Variants in GIPC2 observed in about 807,000 individuals in gnomAD.
GIPC2 encodes GIPC PDZ domain containing family member 2, also known as PDZ domain-containing protein GIPC2.
GIPC2 carries 30 observed loss-of-function variants against 30.6 expected under a neutral mutation model. That is an observed-to-expected ratio of 0.98 (90% confidence interval 0.73 to 1.33). The LOEUF is 1.33. Ranked by LOEUF, GIPC2 falls within the 40% of genes most tolerant of loss-of-function variation. The probability of loss-of-function intolerance (pLI) is 0.00; values close to 1 mark genes in which losing one functional copy is unlikely to be tolerated. For synonymous variants in GIPC2, 167 were observed against 150.0 expected, an observed-to-expected ratio of 1.11 and a Z score of -0.83; for missense variants, 414 against 390.3, an observed-to-expected ratio of 1.06 and a Z score of -0.51.
intron 5 of GIPC2, among the ~76,000 whole-genome samples, chr1:78,134,751 GGA>G (rs1483624462): frequency 6.6e-6 from 1 of 152,188 alleles, no homozygotes; most frequent in Admixed American, 6.5e-5. Flanking sequence ...TGGAAGGAAA[GGA>G]GATGCTGGAG....
At chr1:78,113,187 C>A (rs996745349) in intron 3 of GIPC2, among the ~76,000 whole-genome samples, 2 of 152,008 alleles carry the variant, frequency 1.3e-5, no homozygotes, top group African/African-American at 4.8e-5. Context: ...GTAATCACAA[C>A]CTTAATGCAT....
chr1:78,082,800 A>G (rs1346058498), intron 2 of GIPC2, among the ~76,000 whole-genome samples: 3 of 152,170 alleles, frequency 2.0e-5, no homozygotes, highest in Non-Finnish European at 4.4e-5. Flanking sequence ...GGTTGATGAA[A>G]TTTTTTAAAA....
chr1:78,070,078 G>A (rs1035231527), intron 1 of GIPC2, among the ~76,000 whole-genome samples: 3 of 152,074 alleles, frequency 2.0e-5, no homozygotes, highest in Non-Finnish European at 4.4e-5. Flanking sequence ...AGCCTCGTGG[G>A]CCAAAAGGAA....
intron 2 of GIPC2, chr1:78,091,734 A>C: frequency 1.3e-6 from 1 of 775,456 alleles, no homozygotes; most frequent in South Asian, 1.3e-5. Context: ...GCATACAAGA[A>C]TGTTAAATTT....
At chr1:78,074,991 T>C (rs1462237026) in intron 1 of GIPC2, among the ~76,000 whole-genome samples, 1 of 152,194 alleles carries the variant, frequency 6.6e-6, no homozygotes, top group African/African-American at 2.4e-5. Context: ...TAGGAACCTT[T>C]TAGTTGAAAG....
chr1:78,105,234 G>A (rs1217728055), intron 3 of GIPC2, among the ~76,000 whole-genome samples: 2 of 151,382 alleles, frequency 1.3e-5, no homozygotes, highest in Non-Finnish European at 2.9e-5. Flanking sequence ...AACTTTGTAA[G>A]CTATATTTTT....
intron 5 of GIPC2, among the ~76,000 whole-genome samples, chr1:78,126,573 T>C (rs755527629): frequency 1.1e-4 from 16 of 151,972 alleles, no homozygotes; most frequent in Non-Finnish European, 2.4e-4. Flanking sequence ...GAGAAACTTA[T>C]TGGTTCTTAT....
At chr1:78,111,699 C>T (rs1428488897) in intron 3 of GIPC2, among the ~76,000 whole-genome samples, 4 of 152,174 alleles carry the variant, frequency 2.6e-5, no homozygotes, top group Non-Finnish European at 5.9e-5. Context: ...CTAGCAGCAG[C>T]GTTCTATTAA....
At chr1:78,099,240 C>T (rs1662195484) in intron 3 of GIPC2, among the ~76,000 whole-genome samples, 2 of 151,994 alleles carry the variant, frequency 1.3e-5, no homozygotes, top group African/African-American at 2.4e-5. Context: ...TATACCATCA[C>T]CATACCACCT....
intron 1 of GIPC2, among the ~76,000 whole-genome samples, chr1:78,055,404 C>CT (rs1183780472): frequency 6.6e-6 from 1 of 152,156 alleles, no homozygotes; most frequent in Non-Finnish European, 1.5e-5. Context: ...CTTAGGACAG[C>CT]TTCTGCAGCT....
intron 3 of GIPC2, among the ~76,000 whole-genome samples, chr1:78,108,869 G>A (rs1238211901): frequency 1.3e-5 from 2 of 152,134 alleles, no homozygotes; most frequent in Non-Finnish European, 2.9e-5. Flanking sequence ...CTTTATCTGT[G>A]AGGTTTCTTT....
At chr1:78,095,570 A>G (rs2100379272) in intron 3 of GIPC2, among the ~76,000 whole-genome samples, 1 of 152,304 alleles carries the variant, frequency 6.6e-6, no homozygotes, top group South Asian at 2.1e-4. Flanking sequence ...TCCATTTTAA[A>G]GACCCCCTTC....
chr1:78,088,268 A>T (rs1435003248), intron 2 of GIPC2, among the ~76,000 whole-genome samples: 1 of 152,236 alleles, frequency 6.6e-6, no homozygotes, highest in African/African-American at 2.4e-5. Context: ...AGAGGATTAG[A>T]AAGCATTCTA....
At chr1:78,072,638 G>A (rs968007660) in intron 1 of GIPC2, among the ~76,000 whole-genome samples, 11 of 151,874 alleles carry the variant, frequency 7.2e-5, no homozygotes, top group Non-Finnish European at 1.5e-4. Flanking sequence ...TTTAGATGGA[G>A]GTCAAATAAT....
At chr1:78,072,250 T>C (rs974782587) in intron 1 of GIPC2, among the ~76,000 whole-genome samples, 2 of 152,246 alleles carry the variant, frequency 1.3e-5, no homozygotes, top group African/African-American at 4.8e-5. Flanking sequence ...AAAAAGTCCT[T>C]GCTGACCTTC....
At chr1:78,131,163 G>A (rs540682815) in intron 5 of GIPC2, among the ~76,000 whole-genome samples, 308 of 151,666 alleles carry the variant, frequency 2.0e-3, no homozygotes, top group African/African-American at 7.2e-3. Flanking sequence ...TTTTTCTCAT[G>A]TGTTTCTAAA....
intron 3 of GIPC2, among the ~76,000 whole-genome samples, chr1:78,111,106 T>G (rs1297068434): frequency 6.6e-6 from 1 of 152,170 alleles, no homozygotes; most frequent in Non-Finnish European, 1.5e-5. Flanking sequence ...GTACAGAAAC[T>G]GTTGGTTGAA....
chr1:78,073,033 T>G (rs1661652548), intron 1 of GIPC2, among the ~76,000 whole-genome samples: 2 of 149,908 alleles, frequency 1.3e-5, no homozygotes, highest in South Asian at 4.3e-4. Context: ...ATGGTCTCGA[T>G]CTCCTGACCT....
At chr1:78,114,435 C>T (rs966076827) in intron 3 of GIPC2, among the ~76,000 whole-genome samples, 1 of 152,202 alleles carries the variant, frequency 6.6e-6, no homozygotes, top group Non-Finnish European at 1.5e-5. Flanking sequence ...TGTGGATGAA[C>T]AGGACCATCC....
Sources: gnomAD v4.1 joint callset for allele counts (sites outside exome capture counted in the v4.1 genomes callset) on GRCh38, gnomAD v4.1.1 for gene constraint, MANE v1.5 for transcripts, NCBI Gene and HGNC (gene_info 2026-07-23, HGNC 2026-07-21) for gene names.